SEMA6D: variants seen among roughly 807,000 people sequenced by gnomAD.
The protein encoded by SEMA6D is semaphorin 6D.
SEMA6D carries 35 observed loss-of-function variants against 106.6 expected under a neutral mutation model. The ratio of observed to expected loss-of-function variants is 0.33; its 90% confidence interval spans 0.25 to 0.44. The LOEUF (loss-of-function observed/expected upper bound fraction) is 0.44. SEMA6D is among the 20% of genes least tolerant of loss of function. The pLI is 1.00. For missense variants in SEMA6D, 1,185 were observed against 1,345.9 expected, an observed-to-expected ratio of 0.88 and a Z score of 1.87; for synonymous variants, 499 against 487.7, an observed-to-expected ratio of 1.02 and a Z score of -0.31.
chr15:47,274,863 G>A (rs1377545952), intron 1 of SEMA6D: 1 of 152,156 alleles, frequency 6.6e-6, no homozygotes, highest in African/African-American at 2.4e-5. Context: ...AGGTGAATTT[G>A]TCTATGAAGA....
At position 47,771,853 on chromosome 15, in the gene SEMA6D, G is replaced by T; in HGVS notation, c.*68G>T. On this transcript the variant is annotated 3_prime_UTR_variant, in exon 19 of 19. Coordinates refer to ENST00000536845, the MANE Select transcript of SEMA6D (RefSeq NM_001358351.3). ...TTGTTGAGAGGATGATGTTGTAAGG[G>T]TACCTTAAAACAAGAGACTCGCTTG... The T allele has an allele frequency of 7.0e-7, 1 of 1,438,710 alleles. No homozygotes were observed. The highest frequency in any genetic ancestry group is 9.5e-7 in the Non-Finnish European group (1 of 1,054,684). 89.1% of individuals were successfully genotyped at this position (1,438,710 alleles called of 1,614,324 possible).
At chr15:47,354,222 T>TAC (rs2038461681) in intron 1 of SEMA6D, among the ~76,000 whole-genome samples, 2 of 137,182 alleles carry the variant, frequency 1.5e-5, no homozygotes, top group East Asian at 2.1e-4. Flanking sequence ...TATATATATA[T>TAC]ACACACATAC....
At chr15:47,416,897 G>A (rs1040196238) in intron 2 of SEMA6D, among the ~76,000 whole-genome samples, 5 of 152,024 alleles carry the variant, frequency 3.3e-5, no homozygotes, top group Non-Finnish European at 5.9e-5. Context: ...CCCGAGAACC[G>A]CCATAACTGC....
chr15:47,710,082 C>T (rs1404853932), intron 4 of SEMA6D, among the ~76,000 whole-genome samples: 1 of 152,094 alleles, frequency 6.6e-6, no homozygotes, highest in African/African-American at 2.4e-5. Flanking sequence ...GATAGCCTAA[C>T]CAAAAGATCT....
intron 1 of SEMA6D, among the ~76,000 whole-genome samples, chr15:47,222,490 A>G (rs1040725532): frequency 6.6e-6 from 1 of 152,124 alleles, no homozygotes; most frequent in African/African-American, 2.4e-5. Context: ...CCTGAATCCT[A>G]TTTCATAAAC....
intron 3 of SEMA6D, among the ~76,000 whole-genome samples, chr15:47,556,180 A>G (rs571717798): frequency 1.3e-5 from 2 of 152,162 alleles, no homozygotes; most frequent in Non-Finnish European, 2.9e-5. Flanking sequence ...TATTTATCGC[A>G]CAAACAACAC....
At chr15:47,256,563 G>A (rs1246369433) in intron 1 of SEMA6D, among the ~76,000 whole-genome samples, 2 of 152,146 alleles carry the variant, frequency 1.3e-5, no homozygotes, top group African/African-American at 4.8e-5. Context: ...CTTACTGAAA[G>A]CACTTAATAA....
At chr15:47,705,140 C>T (rs1461482727) in intron 4 of SEMA6D, among the ~76,000 whole-genome samples, 2 of 152,048 alleles carry the variant, frequency 1.3e-5, no homozygotes, top group Non-Finnish European at 2.9e-5. Flanking sequence ...TCTGAAGCAC[C>T]TATGGGACAC....
intron 3 of SEMA6D, among the ~76,000 whole-genome samples, chr15:47,577,127 C>G (rs2076169091): frequency 6.6e-6 from 1 of 152,202 alleles, no homozygotes; most frequent in South Asian, 2.1e-4. Context: ...GTTTGCATTT[C>G]ACAAATATAT....
intron 1 of SEMA6D, chr15:47,274,957 T>G (rs1442197949): frequency 1.3e-5 from 2 of 152,358 alleles, no homozygotes; most frequent in East Asian, 3.9e-4. Flanking sequence ...TCTACCCACC[T>G]GCACTGAAGC....
At chr15:47,769,941 AAACAT>A (rs1164752758) in intron 18 of SEMA6D, among the ~76,000 whole-genome samples, 1 of 152,172 alleles carries the variant, frequency 6.6e-6, no homozygotes, top group Non-Finnish European at 1.5e-5. Context: ...AAATCCAAGC[AAACAT>A]GAAAGTCTCT....
chr15:47,656,200 T>C (rs2077790393), intron 4 of SEMA6D, among the ~76,000 whole-genome samples: 1 of 152,204 alleles, frequency 6.6e-6, no homozygotes, highest in South Asian at 2.1e-4. Context: ...GAACCAACAG[T>C]ATATACGAAA....
chr15:47,377,171 A>T (rs939976745), intron 1 of SEMA6D, among the ~76,000 whole-genome samples: 23 of 152,230 alleles, frequency 1.5e-4, no homozygotes, highest in Non-Finnish European at 2.6e-4. Flanking sequence ...AATAAAATCT[A>T]TGCAGGATGA....
chr15:47,190,873 A>G (rs1304704106), intron 1 of SEMA6D, among the ~76,000 whole-genome samples: 1 of 152,202 alleles, frequency 6.6e-6, no homozygotes, highest in African/African-American at 2.4e-5. Context: ...AGCTGGGTTT[A>G]AACTTGACAT....
intron 1 of SEMA6D, among the ~76,000 whole-genome samples, chr15:47,244,844 A>G (rs745982552): frequency 6.6e-6 from 1 of 151,840 alleles, no homozygotes; most frequent in Admixed American, 6.6e-5. Context: ...CCCTCTGCCC[A>G]CTCCCGTCAT....
At chr15:47,578,696 T>A (rs1367366191) in intron 3 of SEMA6D, among the ~76,000 whole-genome samples, 4 of 151,646 alleles carry the variant, frequency 2.6e-5, no homozygotes, top group African/African-American at 9.7e-5. Context: ...AAAATTCCAA[T>A]ATATTCTACC....
At chr15:47,599,174 A>G (rs1420598845) in intron 3 of SEMA6D, among the ~76,000 whole-genome samples, 1 of 152,080 alleles carries the variant, frequency 6.6e-6, no homozygotes, top group Admixed American at 6.6e-5. Flanking sequence ...TTTAAATACT[A>G]CTTCCTCCAA....
chr15:47,552,871 T>TATATATAA lies in SEMA6D; in HGVS notation c.-86-47987_-86-47986insAATATATA, dbSNP rs2045781910. ...ATATATAAATATATATATATTTTTA[T>TATATATAA]ATATATATAAATATATATAAATATA... On this transcript the variant is annotated intron_variant, in intron 3 of 19. Coordinates refer to the SEMA6D transcript ENST00000558014. Among the ~76,000 whole-genome samples, 27 of 54,324 alleles carry TATATATAA rather than the reference T, an allele frequency of 5.0e-4. 1 individual carries two copies. Among genetic ancestry groups the TATATATAA allele is most frequent in the East Asian group, 9.4e-4 (2 of 2,128 alleles). The allele number at this position is 54,324 out of a possible 152,430, so 35.6% of individuals were successfully genotyped here. A position where few individuals can be genotyped will look rare whatever the true frequency, so the allele number is the denominator to read the frequency against.
intron 3 of SEMA6D, among the ~76,000 whole-genome samples, chr15:47,539,900 G>A (rs981701094): frequency 3.3e-5 from 5 of 152,064 alleles, no homozygotes; most frequent in Admixed American, 1.3e-4. Context: ...TGATCCTGTT[G>A]GTATCTGTTT....
Sources: gnomAD v4.1 joint callset for allele counts (sites outside exome capture counted in the v4.1 genomes callset) on GRCh38, gnomAD v4.1.1 for gene constraint, MANE v1.5 for transcripts, NCBI Gene and HGNC (gene_info 2026-07-23, HGNC 2026-07-21) for gene names.